The following NELL1 variants were observed in gnomAD, a reference collection of about 807,000 sequenced individuals.
The protein encoded by NELL1 is neural EGFL like 1.
In NELL1, 76 loss-of-function variants were observed where a neutral mutation model predicts 107.4. The ratio of observed to expected loss-of-function variants is 0.71; its 90% CI spans 0.59 to 0.86. The LOEUF (loss-of-function observed/expected upper bound fraction) is 0.86, where lower values mean the gene tolerates loss of function less well. Ranked by LOEUF, NELL1 falls within the 40% of genes least tolerant of loss-of-function variation. The probability of loss-of-function intolerance (pLI) is 0.00; values close to 1 mark genes in which losing one functional copy is unlikely to be tolerated. For synonymous variants in NELL1, 353 were observed against 341.2 expected, an observed-to-expected ratio of 1.03 and a Z score of -0.38; for missense variants, 1,024 against 1,005.5, an observed-to-expected ratio of 1.02 and a Z score of -0.25.
At chr11:20,816,557 G>C (rs1857627528) in intron 3 of NELL1, among the ~76,000 whole-genome samples, 1 of 152,094 alleles carries the variant, frequency 6.6e-6, no homozygotes, top group South Asian at 2.1e-4. Context: ...GGAGTCTTTA[G>C]GGATTTCTAG....
intron 2 of NELL1, among the ~76,000 whole-genome samples, chr11:20,682,406 G>A (rs1274415287): frequency 6.6e-6 from 1 of 151,538 alleles, no homozygotes; most frequent in African/African-American, 2.4e-5. Context: ...TAAAAAACAA[G>A]GCCTTCAAAA....
chr11:21,490,755 G>T (rs560994976), intron 15 of NELL1, among the ~76,000 whole-genome samples: 1 of 151,996 alleles, frequency 6.6e-6, no homozygotes, highest in Non-Finnish European at 1.5e-5. Flanking sequence ...ATATGCAAAA[G>T]AATGAAACTA....
chr11:21,484,435 C>T lies in NELL1; in HGVS notation c.1646-49939C>T, dbSNP rs1854576384. Among the ~76,000 whole-genome samples, 3 of 151,734 alleles carry T rather than the reference C, an allele frequency of 2.0e-5. No homozygotes were observed. In the South Asian group the frequency reaches 6.2e-4, roughly 32 times the overall value. On this transcript the variant is annotated intron_variant, in intron 15 of 19. Coordinates refer to ENST00000357134, the MANE Select transcript of NELL1 (RefSeq NM_006157.5). The stretch of plus-strand genomic sequence containing the variant: ...TCAACTTTATTCAATTTTTTTTCTC[C>T]TTACCTCTCCCCTTACATTTATTCT...
chr11:20,988,204 A>G (rs1264855983), intron 12 of NELL1, among the ~76,000 whole-genome samples: 1 of 152,106 alleles, frequency 6.6e-6, no homozygotes, highest in Non-Finnish European at 1.5e-5. Flanking sequence ...ATAGGGATGG[A>G]CTGTACTTCA....
chr11:20,748,205 T>C (rs914408194), intron 2 of NELL1, among the ~76,000 whole-genome samples: 1 of 152,096 alleles, frequency 6.6e-6, no homozygotes, highest in Non-Finnish European at 1.5e-5. Flanking sequence ...TAAGAATCAT[T>C]AGGTGGTCTT....
intron 4 of NELL1, among the ~76,000 whole-genome samples, chr11:20,863,401 A>G (rs12806042): frequency 0.23 from 12,793 of 55,002 alleles, 3,104 homozygotes; most frequent in Non-Finnish European, 0.36. Context: ...GGTGGCTGCC[A>G]GGCGGAGACG....
chr11:21,332,734 C>G (rs1209363816), intron 14 of NELL1, among the ~76,000 whole-genome samples: 2 of 151,788 alleles, frequency 1.3e-5, no homozygotes, highest in Non-Finnish European at 2.9e-5. Flanking sequence ...TTGTGTCATT[C>G]ACTTTTAAAT....
In NELL1 at chr11:20,857,670, C is replaced by A. The variant is rs114254250; in HGVS notation, c.506+9917C>A. Among the ~76,000 whole-genome samples, 1,403 of 152,306 alleles carry A rather than the reference C, an allele frequency of 9.2e-3. 25 individuals carry two copies. The highest frequency in any genetic ancestry group is 0.032 in the African/African-American group (1,329 of 41,566). ...GCACTGTGGGAAGTACATGCTCAGT[C>A]TCTGCAGGACGCTGCCCAGGTTTAG... On this transcript the variant is annotated intron_variant, in intron 4 of 19. Coordinates refer to ENST00000357134, the MANE Select transcript of NELL1 (RefSeq NM_006157.5).
chr11:20,863,321 GTT>G (rs1434678240), intron 4 of NELL1, among the ~76,000 whole-genome samples: 3 of 127,580 alleles, frequency 2.4e-5, no homozygotes, highest in South Asian at 5.7e-4. Flanking sequence ...GGCAGGGGCT[GTT>G]CTCCACCTCC....
intron 11 of NELL1, among the ~76,000 whole-genome samples, chr11:20,951,867 C>T (rs1851075264): frequency 1.3e-5 from 2 of 152,102 alleles, no homozygotes; most frequent in Admixed American, 1.3e-4. Flanking sequence ...ATTTACCCTC[C>T]TCTTTACCTT....
chr11:21,408,087 T>G (rs1394960061), intron 15 of NELL1, among the ~76,000 whole-genome samples: 1 of 151,968 alleles, frequency 6.6e-6, no homozygotes, highest in Non-Finnish European at 1.5e-5. Context: ...ATTATTGTGC[T>G]CATGGAGAGC....
At chr11:21,509,674 G>GT (rs1380131232) in intron 15 of NELL1, among the ~76,000 whole-genome samples, 2 of 152,102 alleles carry the variant, frequency 1.3e-5, no homozygotes, top group African/African-American at 4.8e-5. Context: ...ACACAGGAAT[G>GT]ATAAAACTAC....
At chr11:21,316,092 T>C (rs1193880069) in intron 14 of NELL1, among the ~76,000 whole-genome samples, 1 of 152,194 alleles carries the variant, frequency 6.6e-6, no homozygotes, top group Non-Finnish European at 1.5e-5. Context: ...GTCAAAAATA[T>C]GTTGACTTAT....
At chr11:20,745,986 A>G (rs1404401529) in intron 2 of NELL1, among the ~76,000 whole-genome samples, 1 of 152,190 alleles carries the variant, frequency 6.6e-6, no homozygotes, top group Non-Finnish European at 1.5e-5. Context: ...TTACCTGTCT[A>G]AAGTCTGTTA....
intron 2 of NELL1, among the ~76,000 whole-genome samples, chr11:20,690,036 GTGA>G (rs1278298988): frequency 6.6e-6 from 1 of 152,160 alleles, no homozygotes; most frequent in East Asian, 1.9e-4. Flanking sequence ...CTGATGGCCA[GTGA>G]TGATGAGCAT....
intron 11 of NELL1, among the ~76,000 whole-genome samples, chr11:20,958,972 T>A (rs1851234356): frequency 6.6e-6 from 1 of 152,230 alleles, no homozygotes; most frequent in South Asian, 2.1e-4. Flanking sequence ...TATTTTTGTT[T>A]CCCAATGTGT....
intron 16 of NELL1, among the ~76,000 whole-genome samples, chr11:21,540,318 C>T (rs1006082559): frequency 2.0e-5 from 3 of 152,096 alleles, no homozygotes; most frequent in Non-Finnish European, 4.4e-5. Context: ...CATTGACCAA[C>T]CTCTCTTTAA....
intron 2 of NELL1, among the ~76,000 whole-genome samples, chr11:20,762,724 C>T (rs1354512932): frequency 6.6e-6 from 1 of 152,154 alleles, no homozygotes. Flanking sequence ...GGCATCTTTG[C>T]ATTTCTCACG....
chr11:21,102,697 A>G (rs890479437), intron 12 of NELL1, among the ~76,000 whole-genome samples: 2 of 152,168 alleles, frequency 1.3e-5, no homozygotes, highest in African/African-American at 2.4e-5. Context: ...ACTGGACATT[A>G]TGGGCACCAG....
Sources: gnomAD v4.1 joint callset for allele counts (sites outside exome capture counted in the v4.1 genomes callset) on GRCh38, gnomAD v4.1.1 for gene constraint, MANE v1.5 for transcripts, NCBI Gene and HGNC (gene_info 2026-07-23, HGNC 2026-07-21) for gene names.